Variants in ZNF532 observed in about 807,000 individuals in gnomAD.
ZNF532 encodes zinc finger protein 532.
ZNF532 carries 22 observed loss-of-function variants against 89.3 expected under a neutral mutation model. The observed-to-expected ratio is 0.25, with a 90% CI of 0.18 to 0.35. The LOEUF (loss-of-function observed/expected upper bound fraction) is 0.35, where lower values mean the gene tolerates loss of function less well. ZNF532 is among the 10% of genes least tolerant of loss of function. ZNF532 has a pLI of 1.00. For missense variants in ZNF532, 1,132 were observed against 1,643.4 expected (o/e 0.69, Z 5.38); for synonymous variants, 606 against 649.6 (o/e 0.93, Z 1.02).
At chr18:58,942,933 A>C (rs2063327324) in intron 5 of ZNF532, among the ~76,000 whole-genome samples, 1 of 152,172 alleles carries the variant, frequency 6.6e-6, no homozygotes, top group Admixed American at 6.5e-5. Context: ...TAGAGAACAT[A>C]TGGATGTATG....
At chr18:58,896,208 G>T (rs1424627831) in intron 2 of ZNF532, among the ~76,000 whole-genome samples, 2 of 151,862 alleles carry the variant, frequency 1.3e-5, no homozygotes, top group Non-Finnish European at 2.9e-5. Flanking sequence ...TTTGTTTTTT[G>T]TTGTTGTTGT....
chr18:58,938,284 C>T (rs2062642631), intron 4 of ZNF532, among the ~76,000 whole-genome samples: 1 of 152,120 alleles, frequency 6.6e-6, no homozygotes, highest in African/African-American at 2.4e-5. Flanking sequence ...GCAGAGAGAC[C>T]ACTCTTAAAT....
At chr18:58,961,364 G>C (rs1293282078) in intron 7 of ZNF532, among the ~76,000 whole-genome samples, 2 of 152,196 alleles carry the variant, frequency 1.3e-5, no homozygotes, top group Non-Finnish European at 2.9e-5. Context: ...TTGCTATGCA[G>C]AGTTTGCATT....
intron 5 of ZNF532, among the ~76,000 whole-genome samples, chr18:58,943,789 C>A (rs530945457): frequency 6.6e-6 from 1 of 152,260 alleles, no homozygotes; most frequent in African/African-American, 2.4e-5. Context: ...AGTTTTGTGT[C>A]TGCTTCTATT....
intron 2 of ZNF532, among the ~76,000 whole-genome samples, chr18:58,894,361 G>A (rs1363796618): frequency 1.3e-5 from 2 of 151,430 alleles, no homozygotes; most frequent in African/African-American, 4.9e-5. Flanking sequence ...CAGCTACTCA[G>A]TAAGCTGAGG....
chr18:58,954,455 C>T (rs576135446), intron 7 of ZNF532: 3 of 192,196 alleles, frequency 1.6e-5, no homozygotes, highest in African/African-American at 7.1e-5. Flanking sequence ...AGGCTGTATT[C>T]ACATTTCCTG....
chr18:58,937,604 C>T lies in ZNF532; in HGVS notation c.2529-1841C>T, dbSNP rs185047883. Among the ~76,000 whole-genome samples the T allele has an allele frequency of 2.0e-5, 3 of 152,336 alleles. 1 individual carries two copies. The highest frequency in any genetic ancestry group is 7.2e-5 in the African/African-American group (3 of 41,570). On this transcript the variant is annotated intron_variant, in intron 4 of 9. Transcript: ENST00000591808. ...CTTCCTGGTTCTTTTGCTCTTTAAA[C>T]ACCATCTTTCTATCCTTCATGGGAA...
At chr18:58,906,237 G>A (rs1353875131) in intron 2 of ZNF532, among the ~76,000 whole-genome samples, 1 of 152,104 alleles carries the variant, frequency 6.6e-6, no homozygotes, top group Non-Finnish European at 1.5e-5. Context: ...AATTACTTTG[G>A]AACTTCTGCA....
chr18:58,899,056 G>A (rs772456612), intron 2 of ZNF532, among the ~76,000 whole-genome samples: 2 of 152,258 alleles, frequency 1.3e-5, no homozygotes, highest in East Asian at 3.9e-4. Flanking sequence ...CTGAGTGCGC[G>A]TAGATTGCTG....
At chr18:58,880,765 CGCGCGCGTCTGT>C (rs1568227508) in intron 2 of ZNF532, among the ~76,000 whole-genome samples, 17 of 131,196 alleles carry the variant, frequency 1.3e-4, no homozygotes, top group African/African-American at 4.6e-4. Flanking sequence ...CGCGCGCACG[CGCGCGCGTCTGT>C]GTGTGTGTGT....
intron 5 of ZNF532, among the ~76,000 whole-genome samples, chr18:58,941,495 CAG>C (rs1303555099): frequency 1.8e-5 from 2 of 112,690 alleles, no homozygotes; most frequent in Non-Finnish European, 3.4e-5. Flanking sequence ...TTTTATGAGA[CAG>C]AGTCTCATTC....
chr18:58,950,280 A>T (rs530680947), intron 6 of ZNF532, among the ~76,000 whole-genome samples: 27 of 152,312 alleles, frequency 1.8e-4, no homozygotes, highest in African/African-American at 6.0e-4. Flanking sequence ...ATAGAAACTG[A>T]AGAGGGGTGG....
intron 3 of ZNF532, among the ~76,000 whole-genome samples, chr18:58,922,372 C>A (rs555427171): frequency 2.4e-3 from 368 of 152,236 alleles, no homozygotes; most frequent in Middle Eastern, 6.8e-3. Flanking sequence ...ATCAAGAATA[C>A]CCCGGTAATT....
chr18:58,890,594 A>ATTT (rs59139870), intron 2 of ZNF532, among the ~76,000 whole-genome samples: 10 of 137,184 alleles, frequency 7.3e-5, no homozygotes, highest in Non-Finnish European at 1.4e-4. Context: ...ACTGCCGCCC[A>ATTT]TTTTTTTTTT....
intron 2 of ZNF532, among the ~76,000 whole-genome samples, chr18:58,884,979 G>T (rs973989641): frequency 6.3e-4 from 87 of 138,098 alleles, no homozygotes; most frequent in Admixed American, 1.6e-3. Flanking sequence ...CAGTACAAGG[G>T]TTTTTTTTTT....
intron 2 of ZNF532, among the ~76,000 whole-genome samples, chr18:58,865,876 T>G (rs529670445): frequency 6.6e-6 from 1 of 152,278 alleles, no homozygotes; most frequent in South Asian, 2.1e-4. Flanking sequence ...AATGTGCTGT[T>G]TTGCATAAGA....
chr18:58,961,800 C>A (rs904134086), intron 7 of ZNF532, among the ~76,000 whole-genome samples: 21 of 152,152 alleles, frequency 1.4e-4, no homozygotes, highest in Admixed American at 1.3e-4. Flanking sequence ...TAGATGTCCT[C>A]CATGTGAGGA....
rs140999680 is a variant in ZNF532 at position 58,970,044 on chromosome 18, C to T, written c.3151-9011C>T. Among the ~76,000 whole-genome samples the T allele has an allele frequency of 5.4e-3, 819 of 151,932 alleles. 7 individuals carry two copies. Among genetic ancestry groups the T allele is most frequent in the African/African-American group, 0.018 (742 of 41,464 alleles). The stretch of plus-strand genomic sequence containing the variant: ...GATTACAGATGCATGCCACCACTCC[C>T]GGCTAATTTTTTTGTGTTTTTAATA... On this transcript the variant is annotated intron_variant, in intron 7 of 9. Coordinates refer to ENST00000591808, the MANE Select transcript of ZNF532 (RefSeq NM_001375912.1).
intron 2 of ZNF532, among the ~76,000 whole-genome samples, chr18:58,895,511 A>T (rs1306415738): frequency 5.9e-5 from 9 of 152,184 alleles, no homozygotes; most frequent in Non-Finnish European, 1.5e-5. Flanking sequence ...TGACCCTAAG[A>T]TCTCCTTTGT....
Sources: gnomAD v4.1 joint callset for allele counts (sites outside exome capture counted in the v4.1 genomes callset) on GRCh38, gnomAD v4.1.1 for gene constraint, MANE v1.5 for transcripts, NCBI Gene and HGNC (gene_info 2026-07-23, HGNC 2026-07-21) for gene names.